TASP1: variants seen among roughly 807,000 people sequenced by gnomAD.
TASP1 encodes threonine aspartase 1.
TASP1 carries 16 observed loss-of-function variants against 56.6 expected under a neutral mutation model. The observed-to-expected ratio is 0.28, with a 90% confidence interval of 0.19 to 0.43. The LOEUF (loss-of-function observed/expected upper bound fraction) is 0.43. Among genes scored for constraint, TASP1 ranks in the 20% least tolerant of loss-of-function variants. TASP1 has a pLI of 1.00. For missense variants in TASP1, 393 were observed against 511.6 expected (o/e 0.77, Z 2.24); for synonymous variants, 179 against 184.2 (o/e 0.97, Z 0.23).
the TASP1 span, among the ~76,000 whole-genome samples, chr20:13,261,726 A>G: frequency 6.6e-6 from 1 of 152,200 alleles, no homozygotes; most frequent in South Asian, 2.1e-4. Flanking sequence ...CAGAGAGATT[A>G]GCAATAGGTT....
the TASP1 span, among the ~76,000 whole-genome samples, chr20:13,235,080 T>C: frequency 5.9e-5 from 9 of 152,324 alleles, no homozygotes; most frequent in East Asian, 1.7e-3. Context: ...GTAGGACAAC[T>C]ACTCCAAATC....
chr20:13,606,921 A>C (rs2048182580), intron 4 of TASP1, among the ~76,000 whole-genome samples: 1 of 152,186 alleles, frequency 6.6e-6, no homozygotes, highest in Non-Finnish European at 1.5e-5. Context: ...ATGAATGAAC[A>C]GCAGTTAATT....
At chr20:13,200,601 C>A in the TASP1 span, among the ~76,000 whole-genome samples, 1 of 152,146 alleles carries the variant, frequency 6.6e-6, no homozygotes, top group African/African-American at 2.4e-5. Context: ...GGTTTATTTT[C>A]TCATAAATCC....
intron 8 of TASP1, among the ~76,000 whole-genome samples, chr20:13,557,536 C>T (rs1006393204): frequency 4.4e-5 from 6 of 136,770 alleles, no homozygotes; most frequent in Non-Finnish European, 7.8e-5. Flanking sequence ...CTGATTAAAT[C>T]ATTTACTCTA....
chr20:13,348,265 T>C, the TASP1 span, among the ~76,000 whole-genome samples: 1 of 152,252 alleles, frequency 6.6e-6, no homozygotes, highest in Admixed American at 6.5e-5. Context: ...AATATTTGTG[T>C]GTTGCTTTAC....
chr20:13,459,020 C>A (rs1346998119), intron 11 of TASP1, among the ~76,000 whole-genome samples: 1 of 152,120 alleles, frequency 6.6e-6, no homozygotes, highest in Non-Finnish European at 1.5e-5. Context: ...TGTCATGAGA[C>A]AAGTTTGTGT....
At chr20:13,621,151 C>T (rs1180595887) in intron 4 of TASP1, among the ~76,000 whole-genome samples, 9 of 152,044 alleles carry the variant, frequency 5.9e-5, no homozygotes. Context: ...AGGCCAGGCA[C>T]GGTGGCTCAT....
the TASP1 span, chr20:13,126,633 T>C: frequency 6.2e-6 from 10 of 1,614,016 alleles, no homozygotes; most frequent in South Asian, 1.1e-5. Flanking sequence ...TAGTGCTGTT[T>C]ATGCTTCATC....
chr20:13,151,926 C>T, the TASP1 span, among the ~76,000 whole-genome samples: 78 of 152,158 alleles, frequency 5.1e-4, 1 homozygote, highest in African/African-American at 1.7e-3. Context: ...CTTACCTAAC[C>T]GCTCACAACA....
the TASP1 span, among the ~76,000 whole-genome samples, chr20:13,359,400 C>G: frequency 6.6e-6 from 1 of 151,802 alleles, no homozygotes; most frequent in African/African-American, 2.4e-5. Context: ...CTCTCTGACT[C>G]CTTCCCAGAT....
chr20:13,469,027 C>T (rs2044372118), intron 11 of TASP1, among the ~76,000 whole-genome samples: 1 of 152,058 alleles, frequency 6.6e-6, no homozygotes, highest in South Asian at 2.1e-4. Context: ...AGTCCATGGT[C>T]CCCCAAACTG....
At position 13,580,902 on chromosome 20, in the gene TASP1, A is replaced by G. The variant is rs762593097; in HGVS notation, c.483T>C (p.Pro161=). 3.0e-5 allele frequency: 49 copies of G among 1,613,134 alleles called. No homozygotes were observed. The East Asian group carries it at 9.4e-4, about 31-fold the overall frequency. ...AGGAAGAACAAAGTGGTTACCAGGG[A>G]GGAATTCTGCCAGCCGAGAGCTTGC... is the stretch of plus-strand genomic sequence containing the variant. ...QKGKLSAGRI[P]PCFLVGEGAY... The change falls in exon 6 of 14, where the codon CCT becomes CCC. Residue 161 remains proline, a synonymous_variant. Coordinates refer to ENST00000337743, the MANE Select transcript of TASP1 (RefSeq NM_017714.3).
the TASP1 span, among the ~76,000 whole-genome samples, chr20:13,133,274 A>G: frequency 7.7e-4 from 117 of 152,190 alleles, no homozygotes; most frequent in Non-Finnish European, 1.3e-3. Context: ...CTACCCCCAG[A>G]GATTTCTGCA....
chr20:13,451,676 A>G (rs1568819561), intron 11 of TASP1, among the ~76,000 whole-genome samples: 1 of 152,072 alleles, frequency 6.6e-6, no homozygotes, highest in Non-Finnish European at 1.5e-5. Context: ...ACTGAGTGTT[A>G]TATCAGATGT....
At chr20:13,599,217 A>G (rs1290782513) in intron 4 of TASP1, among the ~76,000 whole-genome samples, 1 of 152,234 alleles carries the variant, frequency 6.6e-6, no homozygotes, top group African/African-American at 2.4e-5. Flanking sequence ...TACTATAAAG[A>G]CACATGCACA....
chr20:13,627,364 A>T (rs527840207), intron 2 of TASP1, among the ~76,000 whole-genome samples: 1 of 152,298 alleles, frequency 6.6e-6, no homozygotes, highest in South Asian at 2.1e-4. Flanking sequence ...TAATTCACAC[A>T]ATATCCTATC....
rs2041208638 is a variant in TASP1, at chr20:13,389,858, A to G, written c.*502T>C. ...AGGATCCACTTAAACTGGTTAACAA[A>G]TAAAAACACTTTATTACTTATTACT... On this transcript the variant is annotated 3_prime_UTR_variant, in exon 14 of 14. Coordinates refer to ENST00000337743, the MANE Select transcript of TASP1 (RefSeq NM_017714.3). The G allele has an allele frequency of 6.5e-6, 1 of 154,360 alleles. No homozygotes were observed. Among genetic ancestry groups the G allele is most frequent in the African/African-American group, 2.4e-5 (1 of 41,468 alleles). 9.6% of individuals were successfully genotyped at this position (154,360 alleles called of 1,614,324 possible). A position where few individuals can be genotyped will look rare whatever the true frequency, so the allele number is the denominator to read the frequency against.
chr20:13,613,584 T>C (rs2048423464), intron 4 of TASP1, among the ~76,000 whole-genome samples: 1 of 152,114 alleles, frequency 6.6e-6, no homozygotes, highest in Non-Finnish European at 1.5e-5. Context: ...CATGAGATTA[T>C]TTCTGTAGTG....
the TASP1 span, among the ~76,000 whole-genome samples, chr20:13,235,637 G>A: frequency 3.3e-5 from 5 of 152,236 alleles, no homozygotes; most frequent in East Asian, 1.9e-4. Flanking sequence ...CACATGATTC[G>A]GCCCCCACCA....
Sources: gnomAD v4.1 joint callset for allele counts (sites outside exome capture counted in the v4.1 genomes callset) on GRCh38, gnomAD v4.1.1 for gene constraint, MANE v1.5 for transcripts, NCBI Gene and HGNC (gene_info 2026-07-23, HGNC 2026-07-21) for gene names.